MTMR2: variants seen among roughly 807,000 people sequenced by gnomAD.
The protein encoded by MTMR2 is phosphatidylinositol-3,5-bisphosphate 3-phosphatase MTMR2.
Under a neutral mutation model 86.9 loss-of-function variants are expected in MTMR2, and 55 were observed. The ratio of observed to expected loss-of-function variants is 0.63; its 90% CI spans 0.51 to 0.79. The LOEUF is 0.79. MTMR2 is among the 30% of genes least tolerant of loss of function. The pLI is 0.00. For missense variants in MTMR2, 659 were observed against 772.3 expected, an observed-to-expected ratio of 0.85 and a Z score of 1.74; for synonymous variants, 241 against 266.8, an observed-to-expected ratio of 0.90 and a Z score of 0.94.
rs1441866908 is a variant in MTMR2 at position 95,834,242 on chromosome 11, G to A, written c.*1048C>T. Reference sequence around the variant, plus strand: ...AGCACCAAACTCTTACTTGTAGCAGGTGAACAGTGAAGCAAGATTTCTTTT... The same window carrying A: ...AGCACCAAACTCTTACTTGTAGCAGATGAACAGTGAAGCAAGATTTCTTTT... On this transcript the variant is annotated 3_prime_UTR_variant, in exon 15 of 15. Coordinates refer to ENST00000346299, the MANE Select transcript of MTMR2 (RefSeq NM_016156.6). The A allele has an allele frequency of 1.3e-5, 2 of 152,500 alleles. No homozygotes were observed. Among genetic ancestry groups the A allele is most frequent in the African/African-American group, 2.4e-5 (1 of 41,416 alleles). The allele number at this position is 152,500 out of a possible 1,614,324, so 9.4% of individuals were successfully genotyped here.
chr11:95,917,099 T>C (rs1164944091), intron 1 of MTMR2, among the ~76,000 whole-genome samples: 1 of 152,214 alleles, frequency 6.6e-6, no homozygotes, highest in East Asian at 1.9e-4. Flanking sequence ...TTAATTTGAC[T>C]TCCTGTGGAA....
chr11:95,871,529 A>G (rs1208945625), intron 2 of MTMR2, among the ~76,000 whole-genome samples: 2 of 152,170 alleles, frequency 1.3e-5, no homozygotes, highest in Non-Finnish European at 2.9e-5. Context: ...TGGCTGCATA[A>G]ATGTCTCCTT....
intron 2 of MTMR2, among the ~76,000 whole-genome samples, chr11:95,886,441 T>G (rs1865514275): frequency 6.6e-6 from 1 of 152,210 alleles, no homozygotes; most frequent in Admixed American, 6.5e-5. Context: ...TCATTCACTA[T>G]TTATGATATT....
At chr11:95,837,835 ACTTCAGTTCT>A (rs1863353007) in intron 13 of MTMR2, among the ~76,000 whole-genome samples, 1 of 151,998 alleles carries the variant, frequency 6.6e-6, no homozygotes, top group South Asian at 2.1e-4. Context: ...GATTTCACGT[ACTTCAGTTCT>A]CTTTAGCAGA....
At chr11:95,847,537 A>G (rs1590981360) in intron 10 of MTMR2, among the ~76,000 whole-genome samples, 177 bp downstream of exon 10, 1 of 152,194 alleles carries the variant, frequency 6.6e-6, no homozygotes, top group Non-Finnish European at 1.5e-5. Context: ...TGCACAATAT[A>G]AAAAACCAAT....
At chr11:95,875,720 T>A (rs920386299) in intron 2 of MTMR2, among the ~76,000 whole-genome samples, 9 of 151,714 alleles carry the variant, frequency 5.9e-5, no homozygotes, top group African/African-American at 2.2e-4. Flanking sequence ...TTTTTCCCCA[T>A]CTTTGTGGTT....
intron 1 of MTMR2, among the ~76,000 whole-genome samples, chr11:95,891,050 G>T (rs574888228): frequency 6.6e-6 from 1 of 152,078 alleles, no homozygotes; most frequent in Non-Finnish European, 1.5e-5. Context: ...TGCCCTTCTG[G>T]GAGAAAAACT....
chr11:95,838,537 AGTT>A (rs568082507), intron 12 of MTMR2, among the ~76,000 whole-genome samples: 93 of 152,220 alleles, frequency 6.1e-4, no homozygotes, highest in Non-Finnish European at 7.8e-4. Context: ...TCAAGAACAT[AGTT>A]GTTTTTCTTT....
intron 5 of MTMR2, among the ~76,000 whole-genome samples, chr11:95,861,213 A>T (rs1419248914): frequency 6.6e-6 from 1 of 151,294 alleles, no homozygotes; most frequent in East Asian, 1.9e-4. Context: ...TGATGAATAT[A>T]ACATATTTAG....
chr11:95,858,659 A>G, intron 5 of MTMR2, 27 bp from the exon 6 acceptor site: 6 of 1,405,828 alleles, frequency 4.3e-6, no homozygotes, highest in Non-Finnish European at 6.1e-6. Context: ...AACCAAGTTA[A>G]TAATTGTTCA....
At chr11:95,868,273 T>TAAAAAAAAAAAAAAAAAAAAAAAAAAA (rs555618890) in intron 2 of MTMR2, among the ~76,000 whole-genome samples, 2 of 42,220 alleles carry the variant, frequency 4.7e-5, no homozygotes, top group Admixed American at 4.5e-4. Context: ...GACCCTGTGC[T>TAAAAAAAAAAAAAAAAAAAAAAAAAAA]AAAAAAAAAA....
chr11:95,917,568 C>A (rs886341434), intron 1 of MTMR2, among the ~76,000 whole-genome samples: 1 of 152,074 alleles, frequency 6.6e-6, no homozygotes, highest in Non-Finnish European at 1.5e-5. Flanking sequence ...AAACTACTCC[C>A]CAGACTTAAC....
At chr11:95,838,535 A>T (rs749462222) in intron 12 of MTMR2, among the ~76,000 whole-genome samples, 3 of 152,100 alleles carry the variant, frequency 2.0e-5, no homozygotes, top group Non-Finnish European at 4.4e-5. Flanking sequence ...TTTCAAGAAC[A>T]TAGTTGTTTT....
At chr11:95,888,282 G>A (rs1297396383) in intron 1 of MTMR2, 21 bp from the exon 2 acceptor site, 1 of 1,553,012 alleles carries the variant, frequency 6.4e-7, no homozygotes, top group Admixed American at 1.7e-5. Flanking sequence ...CAAAAGTACA[G>A]TATGTTGGAA....
At chr11:95,864,776 AT>A in intron 3 of MTMR2, among the ~76,000 whole-genome samples, 2 of 152,274 alleles carry the variant, frequency 1.3e-5, no homozygotes, top group Middle Eastern at 3.4e-3. Flanking sequence ...ATAATAATCC[AT>A]TTAGAATACA....
chr11:95,922,040 A>T (rs1212065614), intron 1 of MTMR2, among the ~76,000 whole-genome samples: 1 of 152,230 alleles, frequency 6.6e-6, no homozygotes, highest in Non-Finnish European at 1.5e-5. Context: ...TTGCAAAGGA[A>T]TTATCTTTAA....
intron 2 of MTMR2, among the ~76,000 whole-genome samples, chr11:95,874,495 C>A (rs1254687): frequency 6.6e-6 from 1 of 151,580 alleles, no homozygotes; most frequent in East Asian, 1.9e-4. Flanking sequence ...TGTCTCTGCA[C>A]GTGAGATGGG....
In MTMR2 at chr11:95,924,079, C is replaced by G. The variant is rs996287808; in HGVS notation, c.-125G>C. On this transcript the variant is annotated 5_prime_UTR_variant, in exon 1 of 15. Coordinates refer to ENST00000346299, the MANE Select transcript of MTMR2 (RefSeq NM_016156.6). ...GGCCAGCGCCGGCCCGGGAGGGAGACCGGAAGCGGCCATGTTCCCCCAGAG... is the reference window on the plus strand; with the variant it reads ...GGCCAGCGCCGGCCCGGGAGGGAGAGCGGAAGCGGCCATGTTCCCCCAGAG... The G allele has an allele frequency of 1.6e-6, 2 of 1,269,752 alleles. No individual in the cohort carries two copies. The highest frequency in any genetic ancestry group is 2.2e-6 in the Non-Finnish European group (2 of 897,136). The allele number at this position is 1,269,752 out of a possible 1,614,324, so 78.7% of individuals were successfully genotyped here.
chr11:95,871,674 T>C (rs1306209678), intron 2 of MTMR2, among the ~76,000 whole-genome samples: 1 of 152,166 alleles, frequency 6.6e-6, no homozygotes, highest in Admixed American at 6.5e-5. Context: ...TTTTCTCCCA[T>C]TCTGCAGGTT....
Sources: allele counts gnomAD v4.1 joint callset (sites outside exome capture counted in the v4.1 genomes callset), GRCh38; gene constraint gnomAD v4.1.1; transcripts MANE v1.5; gene names NCBI Gene and HGNC (gene_info 2026-07-23, HGNC 2026-07-21).